The following ESRRB variants were observed in gnomAD, a reference collection of about 807,000 sequenced individuals.
ESRRB encodes the protein estrogen related receptor beta.
ESRRB carries 16 observed loss-of-function variants against 46.0 expected under a neutral mutation model. The ratio of observed to expected loss-of-function variants is 0.35; its 90% confidence interval spans 0.24 to 0.53. The LOEUF (loss-of-function observed/expected upper bound fraction) is 0.53. ESRRB is among the 20% of genes least tolerant of loss of function. The pLI is 0.93. For missense variants in ESRRB, 488 were observed against 607.4 expected (o/e 0.80, Z 2.07); for synonymous variants, 246 against 259.6 (o/e 0.95, Z 0.50).
At position 76,498,225 on chromosome 14, in the gene ESRRB, A is replaced by G; in HGVS notation, c.1132A>G (p.Ile378Val). Residue 378 changes from isoleucine to valine, a missense_variant, in exon 7 of 7, where the codon ATC becomes GTC. By Grantham distance (29) the Ile-to-Val change is conservative. Transcript: ENST00000644823. Reference protein sequence around the residue: ...LALANSDSMYIEDLEAVQKLQ... With the variant: ...LALANSDSMYVEDLEAVQKLQ... ...CCTTGTGCCTGCAGATTCCATGTAC[A>G]TCGAGGATCTAGAGGCTGTCCAGAA... The G allele has an allele frequency of 1.2e-6, 2 of 1,613,764 alleles. No individual in the cohort carries two copies. The highest frequency in any genetic ancestry group is 1.7e-5 in the Admixed American group (1 of 60,026).
At chr14:76,454,397 G>A (rs1258417280) in intron 2 of ESRRB, among the ~76,000 whole-genome samples, 1 of 152,226 alleles carries the variant, frequency 6.6e-6, no homozygotes, top group African/African-American at 2.4e-5. Context: ...AGGTACACCT[G>A]TGATTATGAA....
At chr14:76,452,456 G>A (rs1310195922) in intron 2 of ESRRB, among the ~76,000 whole-genome samples, 3 of 151,384 alleles carry the variant, frequency 2.0e-5, no homozygotes, top group East Asian at 2.0e-4. Context: ...ATGAAACCCC[G>A]TCTATACTAA....
chr14:76,422,520 T>A (rs991437358), intron 1 of ESRRB, among the ~76,000 whole-genome samples: 4 of 152,136 alleles, frequency 2.6e-5, no homozygotes, highest in Admixed American at 6.6e-5. Flanking sequence ...CGACATTTCC[T>A]TCTTATACTC....
chr14:76,397,733 T>G lies in ESRRB; in HGVS notation c.50+21282T>G, dbSNP rs549683271. ...CAGCCTGGGCAATGTAGCGAGACCTTGTCTCTATTTTTCAAAAAGAATAAA... is the reference window on the plus strand; with the variant it reads ...CAGCCTGGGCAATGTAGCGAGACCTGGTCTCTATTTTTCAAAAAGAATAAA... On this transcript the variant is annotated intron_variant, in intron 1 of 6. Coordinates refer to ENST00000644823, the MANE Select transcript of ESRRB (RefSeq NM_001379180.1). Among the ~76,000 whole-genome samples, 19 of 152,236 alleles carry G rather than the reference T, an allele frequency of 1.2e-4. No homozygotes were observed. In the South Asian group the frequency reaches 3.9e-3, roughly 32 times the overall value.
At chr14:76,382,275 G>A (rs1885046262) in intron 1 of ESRRB, among the ~76,000 whole-genome samples, 1 of 152,230 alleles carries the variant, frequency 6.6e-6, no homozygotes, top group Non-Finnish European at 1.5e-5. Flanking sequence ...CTGGGCTGAG[G>A]TCTGGCTGTG....
chr14:76,475,214 T>TA (rs893030549), intron 3 of ESRRB, among the ~76,000 whole-genome samples: 14 of 150,080 alleles, frequency 9.3e-5, no homozygotes, highest in Admixed American at 2.7e-4. Context: ...CCCTGTCTCT[T>TA]AAAAAAAAAT....
chr14:76,437,142 G>A (rs568793811), intron 1 of ESRRB, among the ~76,000 whole-genome samples: 4 of 152,054 alleles, frequency 2.6e-5, no homozygotes, highest in Admixed American at 6.5e-5. Context: ...AGTGATTCTC[G>A]TGCTTCAGCC....
chr14:76,459,326 G>A (rs2139983474), intron 2 of ESRRB, among the ~76,000 whole-genome samples: 1 of 152,346 alleles, frequency 6.6e-6, no homozygotes, highest in African/African-American at 2.4e-5. Flanking sequence ...AGGAGCTGGA[G>A]TAGGTGGAGG....
chr14:76,330,026 G>A (rs930276397), intron 1 of ESRRB, among the ~76,000 whole-genome samples: 1 of 151,506 alleles, frequency 6.6e-6, no homozygotes, highest in Non-Finnish European at 1.5e-5. Context: ...GGTGGGTGAG[G>A]GTCTGGGGCC....
In ESRRB at chr14:76,482,769, T is replaced by A. The variant is rs567273831; in HGVS notation, c.850+10T>A. On this transcript the variant is annotated intron_variant, in intron 5 of 6. Coordinates refer to ENST00000644823, the MANE Select transcript of ESRRB (RefSeq NM_001379180.1). This position sits in a 1 kb window ranked among gnomAD's most constrained non-coding sequence, Gnocchi z 4.3. Reference sequence around the variant, plus strand: ...GCCAAGCACATCCCAGGTGAGCATGTGGGACCAGGGGAGAGTGTGGCCAGG... The same window carrying A: ...GCCAAGCACATCCCAGGTGAGCATGAGGGACCAGGGGAGAGTGTGGCCAGG... The A allele has an allele frequency of 1.4e-5, 23 of 1,613,704 alleles. No homozygotes were observed. The highest frequency in any genetic ancestry group is 1.8e-5 in the Non-Finnish European group (21 of 1,179,976).
intron 1 of ESRRB, among the ~76,000 whole-genome samples, chr14:76,408,749 G>A (rs1189752925): frequency 2.0e-5 from 3 of 152,046 alleles, no homozygotes; most frequent in African/African-American, 7.2e-5. Context: ...AAACTGGCCA[G>A]GGAAAGCTCC....
chr14:76,388,717 G>A (rs1055826992), intron 1 of ESRRB, among the ~76,000 whole-genome samples: 11 of 152,210 alleles, frequency 7.2e-5, no homozygotes, highest in African/African-American at 2.4e-4. Context: ...TGGTCTTCCT[G>A]ACATCATCGT....
At chr14:76,441,785 A>G (rs1016643467) in intron 2 of ESRRB, among the ~76,000 whole-genome samples, 1 of 152,210 alleles carries the variant, frequency 6.6e-6, no homozygotes, top group Non-Finnish European at 1.5e-5. Context: ...GGTGCCATCC[A>G]ACTGGCACAG....
At chr14:76,480,124 G>A (rs964765580) in intron 3 of ESRRB, among the ~76,000 whole-genome samples, 5 of 152,174 alleles carry the variant, frequency 3.3e-5, no homozygotes, top group Admixed American at 6.5e-5. Flanking sequence ...CTCCCAAAGT[G>A]CTGGGATTAC....
At chr14:76,384,327 C>A (rs1391734547) in intron 1 of ESRRB, among the ~76,000 whole-genome samples, 1 of 152,112 alleles carries the variant, frequency 6.6e-6, no homozygotes, top group Non-Finnish European at 1.5e-5. Context: ...ACAGCTTGTA[C>A]CTTTTTCTTC....
At chr14:76,388,984 C>T (rs1489380027) in intron 1 of ESRRB, among the ~76,000 whole-genome samples, 1 of 152,190 alleles carries the variant, frequency 6.6e-6, no homozygotes, top group African/African-American at 2.4e-5. Context: ...AAATCAAAGA[C>T]AGCATCACAC....
intron 1 of ESRRB, among the ~76,000 whole-genome samples, chr14:76,427,338 T>A (rs999306342): frequency 4.1e-5 from 4 of 97,480 alleles, no homozygotes; most frequent in Non-Finnish European, 7.5e-5. Context: ...GCAGGAGCTG[T>A]GTGTGTGTGT....
intron 2 of ESRRB, among the ~76,000 whole-genome samples, chr14:76,456,853 C>G (rs147262160): frequency 6.6e-6 from 1 of 152,098 alleles, no homozygotes; most frequent in East Asian, 1.9e-4. Flanking sequence ...CCCTGGGCAA[C>G]GCAGAGATGA....
intron 6 of ESRRB, chr14:76,495,478 A>G (rs972540313): frequency 6.6e-6 from 1 of 151,058 alleles, no homozygotes; most frequent in Non-Finnish European, 1.5e-5. Flanking sequence ...CCTTCCCAGC[A>G]CGGAGGGGTT....
Sources: allele counts gnomAD v4.1 joint callset (sites outside exome capture counted in the v4.1 genomes callset), GRCh38; gene constraint gnomAD v4.1.1; non-coding constraint Gnocchi (gnomAD v3.1); transcripts MANE v1.5; gene names NCBI Gene and HGNC (gene_info 2026-07-23, HGNC 2026-07-21).